Variants in PCDHGA9 observed in about 807,000 individuals in gnomAD.
PCDHGA9 encodes protocadherin gamma-A9.
PCDHGA9 carries 37 observed loss-of-function variants against 62.5 expected under a neutral mutation model. That is an observed-to-expected ratio of 0.59 (90% CI 0.46 to 0.78). PCDHGA9 has a LOEUF of 0.78. PCDHGA9 is among the 30% of genes least tolerant of loss of function. The pLI, the probability that PCDHGA9 is intolerant of heterozygous loss-of-function variation, is 0.00. For missense variants in PCDHGA9, 1,138 were observed against 1,166.2 expected, an observed-to-expected ratio of 0.98 and a Z score of 0.35; for synonymous variants, 459 against 484.6, an observed-to-expected ratio of 0.95 and a Z score of 0.69.
At chr5:141,450,225 C>A (rs1294362576) in intron 1 of PCDHGA9, among the ~76,000 whole-genome samples, 1 of 151,976 alleles carries the variant, frequency 6.6e-6, no homozygotes, top group Non-Finnish European at 1.5e-5. Flanking sequence ...ACTATGTTGG[C>A]CAGGCTAGTC....
At position 141,414,031 on chromosome 5, in the gene PCDHGA9, C is replaced by G. The variant is rs900884760; in HGVS notation, c.2424+8655C>G. The G allele has an allele frequency of 1.2e-6, 2 of 1,611,740 alleles. No homozygotes were observed. The highest frequency in any genetic ancestry group is 2.7e-5 in the African/African-American group (2 of 74,762). On this transcript the variant is annotated intron_variant, in intron 1 of 3. Coordinates refer to ENST00000573521, the MANE Select transcript of PCDHGA9 (RefSeq NM_018921.3). ...CAATGGAGAAGTGACATATTCATTC[C>G]GAAAATTACCTGACACGCAATTGTT... is the stretch of plus-strand genomic sequence containing the variant.
intron 1 of PCDHGA9, chr5:141,410,517 C>T: frequency 6.2e-7 from 1 of 1,613,926 alleles, no homozygotes; most frequent in Non-Finnish European, 8.5e-7. Flanking sequence ...TGCAGTGTGC[C>T]CCTACATTCC....
In PCDHGA9 at chr5:141,491,158, GA is replaced by G; in HGVS notation, c.2425-3648del. On this transcript the variant is annotated intron_variant, in intron 1 of 3. Transcript: ENST00000573521. This position sits in a 1 kb window ranked among gnomAD's most constrained non-coding sequence, Gnocchi z 6.9. ...CCGGGCCTTACTGGAGGATGACTCT[GA>G]CACCCAGCAGGTGGTGGTCCTGGTG... 6.2e-7 allele frequency: 1 copy of G among 1,614,130 alleles called. No homozygotes were observed. The highest frequency in any genetic ancestry group is 8.5e-7 in the Non-Finnish European group (1 of 1,179,972).
At chr5:141,422,470 T>G in intron 1 of PCDHGA9, 1 of 1,613,440 alleles carries the variant, frequency 6.2e-7, no homozygotes, top group South Asian at 1.1e-5. Flanking sequence ...GGACAGGGAG[T>G]TGGTCCAGAG....
rs753872725 is a variant in PCDHGA9, at chr5:141,423,153, C to T, written c.2424+17777C>T. ...TGGACAGAGACGCGCTCAAGCAGAG[C>T]CTCGTGGTGGCCGTCCAGGACCACG... On this transcript the variant is annotated intron_variant, in intron 1 of 3. Transcript: ENST00000573521. The T allele has an allele frequency of 3.7e-6, 6 of 1,613,482 alleles. No homozygotes were observed. The East Asian group carries it at 8.9e-5, about 24-fold the overall frequency.
intron 1 of PCDHGA9, among the ~76,000 whole-genome samples, chr5:141,450,682 T>C (rs112841569): frequency 0.042 from 6,384 of 151,996 alleles, 168 homozygotes; most frequent in Middle Eastern, 0.086. Context: ...AAACGGGGTT[T>C]TGCCATGTTG....
intron 1 of PCDHGA9, chr5:141,411,852 C>G (rs992038456): frequency 1.3e-5 from 2 of 151,222 alleles, no homozygotes; most frequent in East Asian, 1.9e-4. Context: ...AGAGTGAGAC[C>G]CTGTCTCAAA....
intron 1 of PCDHGA9, among the ~76,000 whole-genome samples, chr5:141,447,896 G>C (rs2098554754): frequency 6.6e-6 from 1 of 152,022 alleles, no homozygotes; most frequent in African/African-American, 2.4e-5. Flanking sequence ...GACCAGCCTG[G>C]CCAACATGGT....
intron 1 of PCDHGA9, among the ~76,000 whole-genome samples, chr5:141,482,161 G>A (rs2099554171): frequency 6.6e-6 from 1 of 152,008 alleles, no homozygotes; most frequent in Non-Finnish European, 1.5e-5. Context: ...TCAAAGATAT[G>A]TAAGATTAAG....
At chr5:141,467,178 A>C (rs1344437465) in intron 1 of PCDHGA9, among the ~76,000 whole-genome samples, 1 of 151,604 alleles carries the variant, frequency 6.6e-6, no homozygotes, top group Non-Finnish European at 1.5e-5. Flanking sequence ...TCAGCCTCCC[A>C]AGTAGCTGGG....
In PCDHGA9 at chr5:141,431,615, G is replaced by C. The variant is rs1231591874; in HGVS notation, c.2424+26239G>C. The C allele has an allele frequency of 1.2e-6, 2 of 1,614,118 alleles. No individual in the cohort carries two copies. Among genetic ancestry groups the C allele is most frequent in the Non-Finnish European group, 8.5e-7 (1 of 1,180,050 alleles). ...GAGGTATTCCTTCCGGTATGTGGACGACAAGGCGGCCCAAGTTTTCAAACT... is the reference window on the plus strand; with the variant it reads ...GAGGTATTCCTTCCGGTATGTGGACCACAAGGCGGCCCAAGTTTTCAAACT... On this transcript the variant is annotated intron_variant, in intron 1 of 3. Coordinates refer to ENST00000573521, the MANE Select transcript of PCDHGA9 (RefSeq NM_018921.3). This position sits in a 1 kb window ranked among gnomAD's most constrained non-coding sequence, Gnocchi z 4.8.
chr5:141,481,880 C>CTCCA (rs1483509373), intron 1 of PCDHGA9, among the ~76,000 whole-genome samples: 1 of 145,300 alleles, frequency 6.9e-6, no homozygotes, highest in Non-Finnish European at 1.5e-5. Context: ...CGCCACTGCA[C>CTCCA]TCCAGCCTGG....
At position 141,403,340 on chromosome 5, in the gene PCDHGA9, G is replaced by GC. The variant is rs1435471755; in HGVS notation, c.392dup (p.Phe133ValfsTer11). The GC allele has an allele frequency of 5.6e-6, 9 of 1,613,982 alleles. No homozygotes were observed. In the South Asian group the frequency reaches 9.9e-5, roughly 18 times the overall value. ...AGAAGTAACTGATATTAACGACAGCGCCCCAAAGTTCCAGGCCGAAAGTCT... is the reference window on the plus strand; with the variant it reads ...AGAAGTAACTGATATTAACGACAGCGCCCCCAAAGTTCCAGGCCGAAAGTCT... On this transcript the variant is annotated frameshift_variant, in exon 1 of 4. Transcript: ENST00000573521. LOFTEE classifies it high-confidence loss of function.
Position 141,490,885 on chromosome 5 carries a change from T to C in PCDHGA9, c.2425-3922T>C, listed in dbSNP as rs1317781676. The stretch of plus-strand genomic sequence containing the variant: ...CTCTCCCCCATTGCATGCCAACACA[T>C]CTCTGCATGTGTTTGTCCTAGACGA... On this transcript the variant is annotated intron_variant, in intron 1 of 3. Coordinates refer to ENST00000573521, the MANE Select transcript of PCDHGA9 (RefSeq NM_018921.3). This position sits in a 1 kb window ranked among gnomAD's most constrained non-coding sequence, Gnocchi z 5.4. The C allele has an allele frequency of 6.2e-7, 1 of 1,613,872 alleles. No individual in the cohort carries two copies. Among genetic ancestry groups the C allele is most frequent in the Non-Finnish European group, 8.5e-7 (1 of 1,179,904 alleles).
At chr5:141,474,130 C>T (rs28684928) in intron 1 of PCDHGA9, among the ~76,000 whole-genome samples, 6 of 152,160 alleles carry the variant, frequency 3.9e-5, no homozygotes. Context: ...TCTCAGAAAA[C>T]TACAGGCCTT....
At chr5:141,466,794 T>C (rs1487051313) in intron 1 of PCDHGA9, among the ~76,000 whole-genome samples, 2 of 152,226 alleles carry the variant, frequency 1.3e-5, no homozygotes, top group Non-Finnish European at 2.9e-5. Context: ...TGCCTCAAAC[T>C]AGATCCTATT....
Position 141,487,070 on chromosome 5 carries a change from C to T in PCDHGA9, c.2425-7737C>T. ...TGCTGGGGAGGTGCGGACGGCTGTT[C>T]CTATCCCAGCTGACCTCCCACCACA... On this transcript the variant is annotated intron_variant, in intron 1 of 3. Coordinates refer to ENST00000573521, the MANE Select transcript of PCDHGA9 (RefSeq NM_018921.3). This position sits in a 1 kb window ranked among gnomAD's most constrained non-coding sequence, Gnocchi z 5.0. The T allele has an allele frequency of 6.2e-7, 1 of 1,614,154 alleles. No homozygotes were observed. Among genetic ancestry groups the T allele is most frequent in the Non-Finnish European group, 8.5e-7 (1 of 1,180,008 alleles).
intron 2 of PCDHGA9, among the ~76,000 whole-genome samples, chr5:141,503,072 C>T (rs2099817948): frequency 6.6e-6 from 1 of 151,728 alleles, no homozygotes; most frequent in Non-Finnish European, 1.5e-5. Flanking sequence ...TCAGAATGGT[C>T]TCGATCTCCT....
At chr5:141,418,077 T>G (rs770464447) in intron 1 of PCDHGA9, 4 of 1,613,914 alleles carry the variant, frequency 2.5e-6, no homozygotes, top group African/African-American at 1.3e-5. Context: ...GCGGAGAAGC[T>G]GCACTTCAGC....
Sources: gnomAD v4.1 joint callset for allele counts (sites outside exome capture counted in the v4.1 genomes callset) on GRCh38, gnomAD v4.1.1 for gene constraint, Gnocchi (gnomAD v3.1) non-coding constraint, MANE v1.5 for transcripts, NCBI Gene and HGNC (gene_info 2026-07-23, HGNC 2026-07-21) for gene names.